The following BCL2L11 variants were observed in gnomAD, a reference collection of about 807,000 sequenced individuals.
BCL2L11 encodes bcl-2-like protein 11.
BCL2L11 carries 15 observed loss-of-function variants against 20.6 expected under a neutral mutation model. The ratio of observed to expected loss-of-function variants is 0.73; its 90% CI spans 0.49 to 1.12. The LOEUF is 1.12. Among genes scored for constraint, BCL2L11 ranks in the 50% most tolerant of loss-of-function variants. The pLI, the probability that BCL2L11 is intolerant of heterozygous loss-of-function variation, is 0.00. For missense variants in BCL2L11, 292 were observed against 260.9 expected (o/e 1.12, Z -0.82); for synonymous variants, 108 against 92.8 (o/e 1.16, Z -0.94).
At position 111,135,545 on chromosome 2, in the gene BCL2L11, G is replaced by T. The variant is rs563905789; in HGVS notation, c.394+11406G>T. On this transcript the variant is annotated intron_variant, in intron 2 of 3. Coordinates refer to ENST00000393256, the MANE Select transcript of BCL2L11 (RefSeq NM_138621.5). The stretch of plus-strand genomic sequence containing the variant: ...GAGGGAAGCTGACCCCACCAGGGGT[G>T]GGGGGGTCAGGTACAACATGCCAAC... Among the ~76,000 whole-genome samples the T allele has an allele frequency of 3.4e-5, 5 of 148,746 alleles. 1 individual carries two copies. In the South Asian group the frequency reaches 6.3e-4, roughly 19 times the overall value.
intron 3 of BCL2L11, among the ~76,000 whole-genome samples, chr2:111,162,254 G>A (rs956811271): frequency 1.3e-5 from 2 of 152,194 alleles, no homozygotes; most frequent in African/African-American, 2.4e-5. Context: ...GCAATTGCTT[G>A]TCAGCTTAAA....
At chr2:111,128,548 T>C (rs2073174722) in intron 2 of BCL2L11, 2 of 1,422,524 alleles carry the variant, frequency 1.4e-6, no homozygotes, top group Admixed American at 6.3e-5. Flanking sequence ...TGTGCCATTT[T>C]ACATTCCCAC....
intron 3 of BCL2L11, among the ~76,000 whole-genome samples, chr2:111,151,300 G>A (rs2077229365): frequency 6.6e-6 from 1 of 152,198 alleles, no homozygotes; most frequent in East Asian, 1.9e-4. Flanking sequence ...ACTAGCAAAT[G>A]TGTGATATAG....
chr2:111,153,941 T>A, intron 3 of BCL2L11: 2 of 1,481,488 alleles, frequency 1.3e-6, no homozygotes, highest in South Asian at 2.7e-5. Context: ...CCCTCTTCTC[T>A]CCCGATGCAG....
rs569697507 is a variant in BCL2L11 at position 111,156,785 on chromosome 2, G to T, written c.498+6638G>T. 7.9e-5 allele frequency among the ~76,000 whole-genome samples: 12 copies of T among 152,336 alleles called. No homozygotes were observed. In the South Asian group the frequency reaches 2.5e-3, roughly 32 times the overall value. On this transcript the variant is annotated intron_variant, in intron 3 of 3. Transcript: ENST00000393256. ...ATTGTCTGGTCTATCCCTTAGGCATGTAGTGGAGATTAAGTAAGAACATTT... is the reference window on the plus strand; with the variant it reads ...ATTGTCTGGTCTATCCCTTAGGCATTTAGTGGAGATTAAGTAAGAACATTT...
intron 2 of BCL2L11, among the ~76,000 whole-genome samples, chr2:111,148,854 T>G (rs1046118731): frequency 3.9e-5 from 6 of 152,240 alleles, no homozygotes; most frequent in Non-Finnish European, 7.3e-5. Flanking sequence ...TGGCAAAAAC[T>G]CTTCAAAGTG....
In BCL2L11 at chr2:111,136,966, G is replaced by A. The variant is rs537426274; in HGVS notation, c.394+12827G>A. Among the ~76,000 whole-genome samples, 48 of 152,238 alleles carry A rather than the reference G, an allele frequency of 3.2e-4. 1 individual carries two copies. The South Asian group carries it at 8.9e-3, about 28-fold the overall frequency. On this transcript the variant is annotated intron_variant, in intron 2 of 3. Coordinates refer to ENST00000393256, the MANE Select transcript of BCL2L11 (RefSeq NM_138621.5). ...AGGCCACCTTTTTCAGATGATAACC[G>A]TAATATCTATTGCTGTAACTCCACT...
At chr2:111,137,061 G>A (rs1267106730) in intron 2 of BCL2L11, among the ~76,000 whole-genome samples, 1 of 152,160 alleles carries the variant, frequency 6.6e-6, no homozygotes, top group Admixed American at 6.5e-5. Flanking sequence ...CCTGAAAATG[G>A]CTGGGTAACC....
chr2:111,161,298 C>G, intron 3 of BCL2L11: 1 of 1,262,726 alleles, frequency 7.9e-7, no homozygotes, highest in South Asian at 1.3e-5. Flanking sequence ...GGAGCATCTT[C>G]CCTGATTGTA....
intron 3 of BCL2L11, among the ~76,000 whole-genome samples, chr2:111,162,329 G>A (rs1183502490): frequency 6.6e-6 from 1 of 152,186 alleles, no homozygotes; most frequent in Non-Finnish European, 1.5e-5. Context: ...CTTGCAGACT[G>A]GGATGCTGTA....
chr2:111,147,346 TCACACACACACACA>T (rs70962921), intron 2 of BCL2L11, among the ~76,000 whole-genome samples: 72 of 137,416 alleles, frequency 5.2e-4, no homozygotes, highest in Admixed American at 8.7e-4. Context: ...TCTCTCTCTC[TCACACACACACACA>T]CACACACACA....
In BCL2L11 at chr2:111,167,359, T is replaced by C. The variant is rs1186617603; in HGVS notation, c.*3128T>C. ...CAGTGAGAAACTCAGTCTGGCAGGC[T>C]ACAAAATTCTACTCCAAGAAATACC... is the stretch of plus-strand genomic sequence containing the variant. On this transcript the variant is annotated 3_prime_UTR_variant, in exon 4 of 4. Coordinates refer to ENST00000393256, the MANE Select transcript of BCL2L11 (RefSeq NM_138621.5). 2 of 152,248 alleles carry C rather than the reference T, an allele frequency of 1.3e-5. No homozygotes were observed. The highest frequency in any genetic ancestry group is 2.9e-5 in the Non-Finnish European group (2 of 68,046). The allele number at this position is 152,248 out of a possible 1,614,324, so 9.4% of individuals were successfully genotyped here.
At chr2:111,142,009 C>T (rs946073414) in intron 2 of BCL2L11, among the ~76,000 whole-genome samples, 11 of 152,168 alleles carry the variant, frequency 7.2e-5, no homozygotes, top group African/African-American at 2.4e-4. Flanking sequence ...CCAGAACAAT[C>T]CCAATTCTAT....
In BCL2L11 at chr2:111,147,385, CACACA is replaced by C. The variant is rs1559064766; in HGVS notation, c.395-2658_395-2654del. ...ACACACACACACACACACACACACA[CACACA>C]CCCGCCATTTCTCCCTGCCAGAGCT... is the stretch of plus-strand genomic sequence containing the variant. On this transcript the variant is annotated intron_variant, in intron 2 of 3. Transcript: ENST00000393256. Among the ~76,000 whole-genome samples, 35 of 151,256 alleles carry C rather than the reference CACACA, an allele frequency of 2.3e-4. 1 individual carries two copies. The highest frequency in any genetic ancestry group is 6.8e-4 in the African/African-American group (28 of 41,152).
intron 2 of BCL2L11, among the ~76,000 whole-genome samples, chr2:111,139,441 AG>A (rs1184233244): frequency 2.6e-5 from 4 of 152,236 alleles, no homozygotes; most frequent in African/African-American, 7.2e-5. Context: ...TCCCAAAATA[AG>A]GGATACATTG....
At chr2:111,161,031 C>T (rs982438988) in intron 3 of BCL2L11, among the ~76,000 whole-genome samples, 2 of 152,210 alleles carry the variant, frequency 1.3e-5, no homozygotes, top group Non-Finnish European at 2.9e-5. Flanking sequence ...CCTGTAGATG[C>T]TGTCATCCCC....
At chr2:111,162,006 T>C (rs964880508) in intron 3 of BCL2L11, among the ~76,000 whole-genome samples, 1 of 152,206 alleles carries the variant, frequency 6.6e-6, no homozygotes, top group Non-Finnish European at 1.5e-5. Flanking sequence ...CTTGCCCCAG[T>C]TTAGTGTCAC....
intron 2 of BCL2L11, among the ~76,000 whole-genome samples, chr2:111,134,355 A>G (rs2074479420): frequency 1.3e-5 from 2 of 152,120 alleles, no homozygotes; most frequent in South Asian, 4.1e-4. Flanking sequence ...CAGGTATTAC[A>G]GTATGTGTGT....
intron 3 of BCL2L11, among the ~76,000 whole-genome samples, chr2:111,160,143 C>A (rs2078375107): frequency 6.6e-6 from 1 of 152,220 alleles, no homozygotes; most frequent in African/African-American, 2.4e-5. Flanking sequence ...CTCTGCCCAG[C>A]TTCTCTCTCC....
Sources: gnomAD v4.1 joint callset for allele counts (sites outside exome capture counted in the v4.1 genomes callset) on GRCh38, gnomAD v4.1.1 for gene constraint, MANE v1.5 for transcripts, NCBI Gene and HGNC (gene_info 2026-07-23, HGNC 2026-07-21) for gene names.